The following TP53BP2 variants were observed in gnomAD, a reference collection of about 807,000 sequenced individuals.
TP53BP2 encodes the protein tumor protein p53 binding protein 2, also known as apoptosis-stimulating of p53 protein 2.
A neutral mutation model predicts 126.2 loss-of-function variants in TP53BP2; 62 were observed. The observed-to-expected ratio is 0.49, with a 90% CI of 0.40 to 0.61. TP53BP2 has a LOEUF of 0.61. Among genes scored for constraint, TP53BP2 ranks in the 20% least tolerant of loss-of-function variants. The pLI, the probability that TP53BP2 is intolerant of heterozygous loss-of-function variation, is 0.00. For synonymous variants in TP53BP2, 485 were observed against 502.9 expected, an observed-to-expected ratio of 0.96 and a Z score of 0.48; for missense variants, 1,215 against 1,402.8, an observed-to-expected ratio of 0.87 and a Z score of 2.14.
intron 1 of TP53BP2, chr1:223,845,396 G>A (rs1664232330): frequency 4.3e-6 from 2 of 468,614 alleles, no homozygotes; most frequent in African/African-American, 2.1e-5. Context: ...CGGGCGGCTC[G>A]CCTGACTCCG....
In TP53BP2 at chr1:223,837,517, G is replaced by A. The variant is rs78949212; in HGVS notation, c.27+8137C>T. Among the ~76,000 whole-genome samples the A allele has an allele frequency of 3.0e-3, 451 of 152,194 alleles. 1 individual carries two copies. Among genetic ancestry groups the A allele is most frequent in the African/African-American group, 0.01 (421 of 41,514 alleles). On this transcript the variant is annotated intron_variant, in intron 1 of 17. Transcript: ENST00000343537. The stretch of plus-strand genomic sequence containing the variant: ...TACTGTTTCTCCTCTCACCCCTGGG[G>A]CTTCTGAGGGTCACTAAAACAATTT...
chr1:223,801,050 T>G (rs1662510746), intron 9 of TP53BP2, among the ~76,000 whole-genome samples: 1 of 152,216 alleles, frequency 6.6e-6, no homozygotes, highest in Non-Finnish European at 1.5e-5. Flanking sequence ...AAAGACACAT[T>G]ATTCTTCACT....
chr1:223,800,667 T>G (rs1662499118), intron 10 of TP53BP2, 33 bp downstream of exon 10: 2 of 1,513,724 alleles, frequency 1.3e-6, no homozygotes, highest in East Asian at 2.3e-5. Context: ...TGACCAAAAT[T>G]TAATGTTCAA....
chr1:223,810,372 A>G (rs778813364), intron 4 of TP53BP2, 59 bp downstream of exon 4: 73 of 1,262,476 alleles, frequency 5.8e-5, no homozygotes, highest in Non-Finnish European at 7.7e-5. Context: ...AATAAGATTT[A>G]AAGTTAAAAA....
intron 1 of TP53BP2, among the ~76,000 whole-genome samples, chr1:223,844,357 T>G (rs1214555947): frequency 6.6e-6 from 1 of 152,180 alleles, no homozygotes; most frequent in Non-Finnish European, 1.5e-5. Context: ...TAGCAACAAC[T>G]GATACGTGTT....
chr1:223,822,076 G>T (rs1034099040), intron 1 of TP53BP2, among the ~76,000 whole-genome samples: 2 of 151,788 alleles, frequency 1.3e-5, no homozygotes, highest in African/African-American at 4.8e-5. Context: ...GCCACATCTG[G>T]CTAATTTTTG....
chr1:223,845,244 G>A (rs2102897984), intron 1 of TP53BP2: 1 of 985,282 alleles, frequency 1.0e-6, no homozygotes, highest in East Asian at 1.1e-4. Flanking sequence ...ACCCGTTCCA[G>A]TAACGTATGT....
In TP53BP2 at chr1:223,806,922, G is replaced by C; in HGVS notation, c.398C>G (p.Thr133Ser). Reference protein sequence around the residue: ...NGVNSPRMDLTLAELQEMASR... With the variant: ...NGVNSPRMDLSLAELQEMASR... Reference sequence around the variant, plus strand: ...TGCCATTTCCTGAAGTTCAGCAAGAGTCAGATCCATCCTAGGACTATTAAC... The same window carrying C: ...TGCCATTTCCTGAAGTTCAGCAAGACTCAGATCCATCCTAGGACTATTAAC... The change falls in exon 5 of 18, where the codon ACT becomes AGT. Residue 133 changes from threonine (T) to serine (S), a missense_variant. Thr to Ser is a moderately conservative substitution (Grantham distance 58). Around this residue, in one of 4 missense-constraint regions of TP53BP2, gnomAD observed 814 missense variants for 853.0 expected, o/e 0.95. Coordinates refer to ENST00000343537, the MANE Select transcript of TP53BP2 (RefSeq NM_001031685.3). 6.2e-7 allele frequency: 1 copy of C among 1,613,878 alleles called. No homozygotes were observed. The highest frequency in any genetic ancestry group is 8.5e-7 in the Non-Finnish European group (1 of 1,179,864).
rs779474085 is a variant in TP53BP2 at position 223,789,166 on chromosome 1, A to C, written c.3005T>G (p.Leu1002Ter). The C allele has an allele frequency of 5.0e-6, 8 of 1,614,056 alleles. No individual in the cohort carries two copies. In the Admixed American group the frequency reaches 1.3e-4, roughly 27 times the overall value. ...NAADSDGWTPLHCAASCNNVQ... is the reference protein window; with the variant it reads ...NAADSDGWTP ...GTTGTTACATGAGGCAGCACAATGT[A>C]ATGGAGTCCTGTGAAGCAAGATACG... The change falls in exon 16 of 18, where the codon TTA becomes TGA. Residue 1002 changes from leucine (L) to a stop codon, truncating the protein, a stop_gained. Transcript: ENST00000343537. LOFTEE classifies it high-confidence loss of function.
chr1:223,802,015 C>A, intron 9 of TP53BP2, 101 bp downstream of exon 9: 1 of 1,197,570 alleles, frequency 8.4e-7, no homozygotes. Context: ...TTTTAGAATT[C>A]AAACATGAAT....
At chr1:223,806,379 TCAAAGAGAGCA>T (rs1175481321) in intron 5 of TP53BP2, among the ~76,000 whole-genome samples, 6 of 152,116 alleles carry the variant, frequency 3.9e-5, no homozygotes, top group Non-Finnish European at 5.9e-5. Context: ...TAGTAAGGAC[TCAAAGAGAGCA>T]CAAAGAGAGC....
intron 1 of TP53BP2, among the ~76,000 whole-genome samples, chr1:223,823,906 A>G (rs1663401838): frequency 6.6e-6 from 1 of 152,220 alleles, no homozygotes; most frequent in South Asian, 2.1e-4. Flanking sequence ...TTACAGAAAT[A>G]CTGGAAATAC....
At chr1:223,791,494 C>T (rs1222237776) in intron 15 of TP53BP2, among the ~76,000 whole-genome samples, 1 of 152,132 alleles carries the variant, frequency 6.6e-6, no homozygotes, top group African/African-American at 2.4e-5. Flanking sequence ...AAAACAATCT[C>T]AATGTCTAAT....
chr1:223,841,588 A>C (rs1297562912), intron 1 of TP53BP2, among the ~76,000 whole-genome samples: 1 of 152,242 alleles, frequency 6.6e-6, no homozygotes, highest in East Asian at 1.9e-4. Context: ...CTGTGCAAAT[A>C]AAACCAGACC....
At chr1:223,800,622 T>C in intron 10 of TP53BP2, 78 bp downstream of exon 10, 1 of 1,007,356 alleles carries the variant, frequency 9.9e-7, no homozygotes, top group South Asian at 1.7e-5. Context: ...AAAGAGAAAA[T>C]GGACTCTCTA....
Position 223,819,685 on chromosome 1 carries a change from C to A in TP53BP2, c.175+1535G>T, listed in dbSNP as rs1482019665. On this transcript the variant is annotated intron_variant, in intron 2 of 17. Coordinates refer to ENST00000343537, the MANE Select transcript of TP53BP2 (RefSeq NM_001031685.3). ...TGGGCGACAGAGTGAGACTCCATCTCAAAAAAAGAAAAAAGAAAACTGAGG... is the reference window on the plus strand; with the variant it reads ...TGGGCGACAGAGTGAGACTCCATCTAAAAAAAAGAAAAAAGAAAACTGAGG... Among the ~76,000 whole-genome samples the A allele has an allele frequency of 3.2e-4, 48 of 148,112 alleles. 1 individual carries two copies. The highest frequency in any genetic ancestry group is 8.9e-4 in the African/African-American group (35 of 39,202).
chr1:223,814,041 C>A, intron 3 of TP53BP2, 199 bp downstream of exon 3: 1 of 523,490 alleles, frequency 1.9e-6, no homozygotes, highest in Non-Finnish European at 3.4e-6. Context: ...TTTCAACCCC[C>A]TGCTCTAATG....
Position 223,793,342 on chromosome 1 carries a change from C to G in TP53BP2, c.2823G>C (p.Leu941Phe). ...TCTGTACAAGGTCAAATTCTCCCTC[C>G]AAAGACGAATCTAGCAGTAAAGCAA... Reference protein sequence around the residue: ...NPLALLLDSSLEGEFDLVQRI... With the variant: ...NPLALLLDSSFEGEFDLVQRI... Residue 941 changes from leucine to phenylalanine, a missense_variant, in exon 14 of 18, where the codon TTG (leucine) becomes TTC (phenylalanine). This residue lies in a region of TP53BP2 where 204 missense variants were observed against 225.7 expected (regional missense o/e 0.90). Coordinates refer to ENST00000343537, the MANE Select transcript of TP53BP2 (RefSeq NM_001031685.3). 1 of 1,611,240 alleles carries G rather than the reference C, an allele frequency of 6.2e-7. No homozygotes were observed. The highest frequency in any genetic ancestry group is 8.5e-7 in the Non-Finnish European group (1 of 1,178,838).
chr1:223,786,002 G>GGGAGGGAAGGAGGGAA (rs972013291), intron 16 of TP53BP2, among the ~76,000 whole-genome samples: 9 of 152,076 alleles, frequency 5.9e-5, no homozygotes, highest in Admixed American at 2.6e-4. Flanking sequence ...AAAGGAAGGA[G>GGGAGGGAAGGAGGGAA]GGAGGGAAGG....
Sources: gnomAD v4.1 joint callset for allele counts (sites outside exome capture counted in the v4.1 genomes callset) on GRCh38, gnomAD v4.1.1 for gene constraint, gnomAD v4.1.1 regional missense constraint, MANE v1.5 for transcripts, NCBI Gene and HGNC (gene_info 2026-07-23, HGNC 2026-07-21) for gene names.